PARP2: variants seen among roughly 807,000 people sequenced by gnomAD.
The protein encoded by PARP2 is poly [ADP-ribose] polymerase 2.
In PARP2, 57 loss-of-function variants were observed where a neutral mutation model predicts 77.8. That is an observed-to-expected ratio of 0.73 (90% CI 0.59 to 0.91). The LOEUF is 0.91. Ranked by LOEUF, PARP2 falls within the 40% of genes least tolerant of loss-of-function variation. The pLI is 0.00. For synonymous variants in PARP2, 226 were observed against 242.6 expected (o/e 0.93, Z 0.64); for missense variants, 651 against 689.0 (o/e 0.94, Z 0.62).
Position 20,345,088 on chromosome 14 carries a change from G to C in PARP2, c.202+1G>C. Reference sequence around the variant, plus strand: ...GACAGGACAGAAGACAAGCAAGATGGTATGCCAGGAAGGTCATGGGCCAGC... The same window carrying C: ...GACAGGACAGAAGACAAGCAAGATGCTATGCCAGGAAGGTCATGGGCCAGC... On this transcript the variant is annotated splice_donor_variant, in intron 2 of 15. Coordinates refer to ENST00000429687, the MANE Select transcript of PARP2 (RefSeq NM_001042618.2). LOFTEE classifies it high-confidence loss of function. 6.2e-7 allele frequency: 1 copy of C among 1,614,142 alleles called. No homozygotes were observed. Among genetic ancestry groups the C allele is most frequent in the Non-Finnish European group, 8.5e-7 (1 of 1,180,004 alleles).
chr14:20,356,983 G>C (rs1003881550), intron 13 of PARP2, 68 bp from the exon 14 acceptor site: 1 of 963,758 alleles, frequency 1.0e-6, no homozygotes, highest in African/African-American at 1.6e-5. Context: ...AACAGGGTCA[G>C]TGGTATGCAC....
Position 20,355,668 on chromosome 14 carries a change from CCTAT to C in PARP2, c.903-81_903-78del, listed in dbSNP as rs924889443. The C allele has an allele frequency of 7.9e-6, 8 of 1,006,536 alleles. No homozygotes were observed. The African/African-American group carries it at 9.6e-5, about 12-fold the overall frequency. 62.4% of individuals were successfully genotyped at this position (1,006,536 alleles called of 1,614,324 possible). ...TTTCTCATACCTGTTTTCTAAAGGA[CCTAT>C]CTGTCATTTTCTATTTTTAGTCATG... is the stretch of plus-strand genomic sequence containing the variant. On this transcript the variant is annotated intron_variant, in intron 9 of 15. Transcript: ENST00000429687.
In PARP2 at chr14:20,356,296, A is replaced by C. The variant is rs1172678792; in HGVS notation, c.1102-11A>C. On this transcript the variant is annotated splice_polypyrimidine_tract_variant and intron_variant, in intron 11 of 15. Coordinates refer to ENST00000429687, the MANE Select transcript of PARP2 (RefSeq NM_001042618.2). ...GAGTCTACATCAGCCTTTTTGTCTT[A>C]TTTTTCACAGGTGATTTCCCAGTAC... is the stretch of plus-strand genomic sequence containing the variant. 6.8e-6 allele frequency: 11 copies of C among 1,613,364 alleles called. No individual in the cohort carries two copies. Among genetic ancestry groups the C allele is most frequent in the Non-Finnish European group, 1.7e-6 (2 of 1,179,804 alleles).
chr14:20,350,104 T>C (rs990713188), intron 4 of PARP2, among the ~76,000 whole-genome samples: 1 of 152,218 alleles, frequency 6.6e-6, no homozygotes, highest in African/African-American at 2.4e-5. Flanking sequence ...AAGGAGTAAG[T>C]CATTTAACAG....
rs1024457628 is a variant in PARP2, at chr14:20,353,997, G to A, written c.601-88G>A. The A allele has an allele frequency of 1.3e-5, 14 of 1,076,400 alleles. No individual in the cohort carries two copies. In the African/African-American group the frequency reaches 2.0e-4, roughly 15 times the overall value. The allele number at this position is 1,076,400 out of a possible 1,614,324, so 66.7% of individuals were successfully genotyped here. ...CAGTGCAATATAAAAACTTTACAAA[G>A]CATTTACATTGTATAATATTGGGTG... On this transcript the variant is annotated intron_variant, in intron 7 of 15. Transcript: ENST00000429687.
chr14:20,356,964 G>T, intron 13 of PARP2, 87 bp from the exon 14 acceptor site: 1 of 872,966 alleles, frequency 1.1e-6, no homozygotes, highest in Non-Finnish European at 2.0e-6. Context: ...GTGTTTAAGG[G>T]AATGGAAAAA....
chr14:20,345,526 A>AG, intron 3 of PARP2, 62 bp downstream of exon 3: 1 of 1,235,006 alleles, frequency 8.1e-7, no homozygotes, highest in Non-Finnish European at 1.2e-6. Flanking sequence ...CTTTGTTATA[A>AG]GGACTCCTGT....
chr14:20,346,926 A>G lies in PARP2; in HGVS notation c.324+13A>G, dbSNP rs1883746306. On this transcript the variant is annotated intron_variant, in intron 4 of 15. Coordinates refer to ENST00000429687, the MANE Select transcript of PARP2 (RefSeq NM_001042618.2). ...CATGCTAAATCAGGTAAGAGGCAAG[A>G]AGAGGTGGCACCATTATATTTATGA... The G allele has an allele frequency of 1.9e-6, 3 of 1,557,088 alleles. No individual in the cohort carries two copies. The East Asian group carries it at 6.7e-5, about 35-fold the overall frequency.
At position 20,345,382 on chromosome 14, in the gene PARP2, G is replaced by A; in HGVS notation, c.203-12G>A. On this transcript the variant is annotated splice_polypyrimidine_tract_variant and intron_variant, in intron 2 of 15. Transcript: ENST00000429687. Reference sequence around the variant, plus strand: ...GATTCCCATAAAGTAGTACCTATCTGTCTTTCCTCAGAATCTGTGAAGGCC... The same window carrying A: ...GATTCCCATAAAGTAGTACCTATCTATCTTTCCTCAGAATCTGTGAAGGCC... 5 of 1,609,586 alleles carry A rather than the reference G, an allele frequency of 3.1e-6. No homozygotes were observed. The highest frequency in any genetic ancestry group is 4.3e-6 in the Non-Finnish European group (5 of 1,176,062).
chr14:20,357,512 C>G lies in PARP2; in HGVS notation c.1545C>G (p.Phe515Leu). 3 of 1,610,650 alleles carry G rather than the reference C, an allele frequency of 1.9e-6. No individual in the cohort carries two copies. Among genetic ancestry groups the G allele is most frequent in the Non-Finnish European group, 2.5e-6 (3 of 1,178,816 alleles). ...LGKMAPSSAH[F>L]VTLNGSTVPL... ...AGATGGCTCCCAGTTCTGCCCACTT[C>G]GTCACCCTGTAAGTACTCAGAACCA... is the stretch of plus-strand genomic sequence containing the variant. Residue 515 changes from phenylalanine to leucine, a missense_variant, in exon 15 of 16, where the codon TTC becomes TTG. Phe to Leu is a conservative substitution (Grantham distance 22). Transcript: ENST00000429687.
At chr14:20,355,676 T>A in intron 9 of PARP2, 76 bp from the exon 10 acceptor site, 1 of 1,135,370 alleles carries the variant, frequency 8.8e-7, no homozygotes, top group South Asian at 1.3e-5. Flanking sequence ...GACCTATCTG[T>A]CATTTTCTAT....
intron 4 of PARP2, 69 bp downstream of exon 4, chr14:20,346,982 C>G: frequency 1.0e-6 from 1 of 979,216 alleles, no homozygotes; most frequent in Non-Finnish European, 1.6e-6. Flanking sequence ...TTGATGATAG[C>G]ATCACAGTGT....
chr14:20,354,677 G>A, intron 8 of PARP2, 132 bp from the exon 9 acceptor site: 1 of 861,334 alleles, frequency 1.2e-6, no homozygotes. Flanking sequence ...CTGGGCAACA[G>A]GAGTGAGACC....
At chr14:20,353,549 G>T (rs1057041013) in intron 7 of PARP2, among the ~76,000 whole-genome samples, 1 of 152,080 alleles carries the variant, frequency 6.6e-6, no homozygotes, top group African/African-American at 2.4e-5. Flanking sequence ...GGCACCAGAA[G>T]TTTATTGTTA....
intron 4 of PARP2, among the ~76,000 whole-genome samples, chr14:20,347,428 T>A (rs1883806838): frequency 1.3e-5 from 1 of 74,552 alleles, no homozygotes; most frequent in Non-Finnish European, 2.7e-5. Flanking sequence ...TTTTTTTTTT[T>A]TTTTTGAGAC....
Position 20,355,804 on chromosome 14 carries a change from C to G in PARP2, c.955C>G (p.Gln319Glu), listed in dbSNP as rs1309831265. Residue 319 changes from glutamine to glutamate, a missense_variant, in exon 10 of 16, where the codon CAA becomes GAA. Transcript: ENST00000429687. ...RTQKELSEKI[Q>E]LLEALGDIEI... Reference sequence around the variant, plus strand: ...ACAGAAGGAACTGTCAGAAAAAATACAATTACTAGAGGTGAGATATGTATG... The same window carrying G: ...ACAGAAGGAACTGTCAGAAAAAATAGAATTACTAGAGGTGAGATATGTATG... 1 of 1,613,496 alleles carries G rather than the reference C, an allele frequency of 6.2e-7. No homozygotes were observed. Among genetic ancestry groups the G allele is most frequent in the Non-Finnish European group, 8.5e-7 (1 of 1,179,548 alleles).
At chr14:20,348,598 CATT>C (rs926054219) in intron 4 of PARP2, among the ~76,000 whole-genome samples, 19 of 152,116 alleles carry the variant, frequency 1.2e-4, no homozygotes, top group African/African-American at 4.3e-4. Flanking sequence ...ACATTTGCCT[CATT>C]AATATATTTC....
intron 1 of PARP2, 101 bp downstream of exon 1, chr14:20,343,788 C>A: frequency 7.8e-7 from 1 of 1,278,788 alleles, no homozygotes. Flanking sequence ...CTCCCTATAA[C>A]CTGCACTTGG....
chr14:20,356,105 ACTT>A (rs1404666198), intron 11 of PARP2, 74 bp downstream of exon 11: 109 of 1,536,246 alleles, frequency 7.1e-5, no homozygotes, highest in Non-Finnish European at 9.2e-5. Context: ...TTCTCTAACT[ACTT>A]CTTGTCAAGA....
Sources: allele counts gnomAD v4.1 joint callset (sites outside exome capture counted in the v4.1 genomes callset), GRCh38; gene constraint gnomAD v4.1.1; transcripts MANE v1.5; gene names NCBI Gene and HGNC (gene_info 2026-07-23, HGNC 2026-07-21).